SDK1: variants seen among roughly 807,000 people sequenced by gnomAD.
SDK1 encodes sidekick cell adhesion molecule 1, also known as protein sidekick-1.
A neutral mutation model predicts 245.5 loss-of-function variants in SDK1; 157 were observed. That is an observed-to-expected ratio of 0.64 (90% CI 0.56 to 0.73). The LOEUF (loss-of-function observed/expected upper bound fraction) is 0.73, where lower values mean the gene tolerates loss of function less well. Among genes scored for constraint, SDK1 ranks in the 30% least tolerant of loss-of-function variants. The pLI, the probability that SDK1 is intolerant of heterozygous loss-of-function variation, is 0.00. For synonymous variants in SDK1, 1,647 were observed against 1,278.5 expected (o/e 1.29, Z -6.15); for missense variants, 3,583 against 3,002.3 (o/e 1.19, Z -4.52).
At chr7:4,233,444 C>G in intron 41 of SDK1, 25 bp downstream of exon 41, 1 of 1,604,424 alleles carries the variant, frequency 6.2e-7, no homozygotes, top group Non-Finnish European at 8.5e-7. Flanking sequence ...GGAGGTCTGT[C>G]TTCTTCTGGA....
chr7:4,050,856 T>C (rs1175057343), intron 18 of SDK1, among the ~76,000 whole-genome samples: 2 of 145,572 alleles, frequency 1.4e-5, no homozygotes, highest in African/African-American at 5.0e-5. Flanking sequence ...AAATATATAT[T>C]ATATACTATA....
At chr7:3,925,250 C>G (rs973943818) in intron 5 of SDK1, among the ~76,000 whole-genome samples, 10 of 152,148 alleles carry the variant, frequency 6.6e-5, no homozygotes, top group African/African-American at 2.4e-4. Context: ...AGCACATCTT[C>G]CAGGAAGAAC....
chr7:4,066,972 G>C (rs750478805), intron 19 of SDK1, among the ~76,000 whole-genome samples: 11 of 152,158 alleles, frequency 7.2e-5, no homozygotes, highest in Non-Finnish European at 1.3e-4. Flanking sequence ...CTGATCCTAG[G>C]AATGAGTTTA....
chr7:3,929,156 T>G (rs936323454), intron 5 of SDK1, among the ~76,000 whole-genome samples: 2 of 152,248 alleles, frequency 1.3e-5, no homozygotes, highest in Non-Finnish European at 2.9e-5. Context: ...TCCTTGCCCT[T>G]GGTTAAACGG....
Position 3,913,785 on chromosome 7 carries a change from A to G in SDK1, c.848-37138A>G, listed in dbSNP as rs541385402. Among the ~76,000 whole-genome samples, 5 of 152,248 alleles carry G rather than the reference A, an allele frequency of 3.3e-5. No individual in the cohort carries two copies. The South Asian group carries it at 1.0e-3, about 32-fold the overall frequency. On this transcript the variant is annotated intron_variant, in intron 5 of 44. Coordinates refer to ENST00000404826, the MANE Select transcript of SDK1 (RefSeq NM_152744.4). Reference sequence around the variant, plus strand: ...AAAATAAGAAAACATATTTTGGGGTAGACAGATGCTGACCCCTGACAATTT... The same window carrying G: ...AAAATAAGAAAACATATTTTGGGGTGGACAGATGCTGACCCCTGACAATTT...
rs376650311 is a variant in SDK1 at position 3,513,838 on chromosome 7, G to GT, written c.299-105241dup. On this transcript the variant is annotated intron_variant, in intron 1 of 44. Transcript: ENST00000404826. Reference sequence around the variant, plus strand: ...CTGTTGTTCACATCTTTATATCCATGTGTACTCAGTATCTAGCTCTCATTT... The same window carrying GT: ...CTGTTGTTCACATCTTTATATCCATGTTGTACTCAGTATCTAGCTCTCATTT... Among the ~76,000 whole-genome samples, 827 of 152,108 alleles carry GT rather than the reference G, an allele frequency of 5.4e-3. 6 individuals carry two copies. Among genetic ancestry groups the GT allele is most frequent in the African/African-American group, 0.019 (793 of 41,502 alleles).
chr7:3,924,050 G>A (rs1276362576), intron 5 of SDK1, among the ~76,000 whole-genome samples: 3 of 151,830 alleles, frequency 2.0e-5, no homozygotes, highest in Non-Finnish European at 4.4e-5. Flanking sequence ...TTAGGAAGAG[G>A]TGCAGAATGG....
chr7:3,826,661 A>G (rs745317468), intron 5 of SDK1, among the ~76,000 whole-genome samples: 7 of 152,200 alleles, frequency 4.6e-5, no homozygotes, highest in Non-Finnish European at 7.3e-5. Context: ...TCCCATGCCT[A>G]TGAGGGCATC....
chr7:3,465,271 A>G (rs1780961748), intron 1 of SDK1, among the ~76,000 whole-genome samples: 1 of 152,146 alleles, frequency 6.6e-6, no homozygotes, highest in Admixed American at 6.5e-5. Flanking sequence ...GCGACAATGA[A>G]TGGTATCGTC....
intron 5 of SDK1, among the ~76,000 whole-genome samples, chr7:3,829,995 CAA>C (rs1196068062): frequency 6.6e-6 from 1 of 152,078 alleles, no homozygotes; most frequent in Non-Finnish European, 1.5e-5. Context: ...TTTCTGATAA[CAA>C]AGTGGTTGTT....
chr7:4,042,281 A>G (rs1316742316), intron 17 of SDK1, among the ~76,000 whole-genome samples: 1 of 136,188 alleles, frequency 7.3e-6, no homozygotes, highest in Non-Finnish European at 1.5e-5. Flanking sequence ...CTCTTCAGGT[A>G]GGAGAAACTG....
intron 43 of SDK1, among the ~76,000 whole-genome samples, chr7:4,242,790 T>G (rs553622880): frequency 6.6e-6 from 1 of 152,300 alleles, no homozygotes; most frequent in African/African-American, 2.4e-5. Context: ...CTTTACTGTT[T>G]ACAAAGCTGC....
intron 5 of SDK1, among the ~76,000 whole-genome samples, chr7:3,910,012 T>C (rs532660975): frequency 6.6e-6 from 1 of 152,204 alleles, no homozygotes; most frequent in East Asian, 1.9e-4. Flanking sequence ...AAAGCGCTCA[T>C]GGATGGAAAG....
chr7:4,133,304 G>T (rs1412563628), intron 28 of SDK1, among the ~76,000 whole-genome samples: 1 of 152,242 alleles, frequency 6.6e-6, no homozygotes, highest in African/African-American at 2.4e-5. Context: ...AAACATCCCA[G>T]TTCCTTGACT....
rs143778758 is a variant in SDK1 at position 4,220,629 on chromosome 7, A to C, written c.5701+359A>C. Reference sequence around the variant, plus strand: ...ATGGGGAAGAAGCATGTACCTTCCCACTTATCCAACTGTTCTGCCCTTTGT... The same window carrying C: ...ATGGGGAAGAAGCATGTACCTTCCCCCTTATCCAACTGTTCTGCCCTTTGT... On this transcript the variant is annotated intron_variant, in intron 39 of 44. Transcript: ENST00000404826. Among the ~76,000 whole-genome samples the C allele has an allele frequency of 2.2e-3, 325 of 151,068 alleles. 1 individual carries two copies. Among genetic ancestry groups the C allele is most frequent in the African/African-American group, 7.7e-3 (314 of 40,984 alleles).
intron 4 of SDK1, among the ~76,000 whole-genome samples, chr7:3,772,070 C>T (rs190164893): frequency 3.3e-4 from 50 of 152,292 alleles, no homozygotes; most frequent in Admixed American, 6.5e-4. Context: ...TTTGTTTGTA[C>T]TGAAGCCTGT....
chr7:3,433,919 A>G (rs1316239236), intron 1 of SDK1, among the ~76,000 whole-genome samples: 4 of 152,204 alleles, frequency 2.6e-5, no homozygotes, highest in South Asian at 4.1e-4. Flanking sequence ...AAATATAATG[A>G]TTTATTAATA....
intron 1 of SDK1, among the ~76,000 whole-genome samples, chr7:3,368,991 C>T (rs927140240): frequency 6.6e-6 from 1 of 152,128 alleles, no homozygotes; most frequent in Non-Finnish European, 1.5e-5. Context: ...CCTCCTGCCC[C>T]AGTTAGTAAG....
intron 13 of SDK1, among the ~76,000 whole-genome samples, chr7:3,977,603 T>C (rs1024534792): frequency 1.3e-5 from 2 of 152,226 alleles, no homozygotes; most frequent in African/African-American, 4.8e-5. Context: ...CTCCTGATCA[T>C]GCACCCCTTA....
Sources: allele counts gnomAD v4.1 joint callset (sites outside exome capture counted in the v4.1 genomes callset), GRCh38; gene constraint gnomAD v4.1.1; transcripts MANE v1.5; gene names NCBI Gene and HGNC (gene_info 2026-07-23, HGNC 2026-07-21).